RIT2: variants seen among roughly 807,000 people sequenced by gnomAD.
RIT2 encodes the protein Ras like without CAAX 2, also known as GTP-binding protein Rit2.
RIT2 carries 24 observed loss-of-function variants against 23.7 expected under a neutral mutation model. The observed-to-expected ratio is 1.01, with a 90% CI of 0.73 to 1.43. RIT2 has a LOEUF of 1.43. RIT2 is among the 40% of genes most tolerant of loss of function. The pLI, the probability that RIT2 is intolerant of heterozygous loss-of-function variation, is 0.00. For synonymous variants in RIT2, 107 were observed against 91.1 expected (o/e 1.17, Z -0.99); for missense variants, 236 against 266.9 (o/e 0.88, Z 0.81).
At chr18:42,743,813 T>C (rs1282461469) in intron 4 of RIT2, 93 bp from the exon 5 acceptor site, 1 of 960,864 alleles carries the variant, frequency 1.0e-6, no homozygotes, top group Non-Finnish European at 1.5e-6. Context: ...GTCAGGCCTC[T>C]GAGCCCAAGC....
intron 4 of RIT2, among the ~76,000 whole-genome samples, chr18:42,857,136 T>G (rs1160732448): frequency 1.0e-5 from 1 of 97,296 alleles, no homozygotes; most frequent in Non-Finnish European, 1.8e-5. Context: ...TTTTTAATTA[T>G]CCAACTAGGG....
intron 4 of RIT2, among the ~76,000 whole-genome samples, chr18:42,891,822 G>A (rs1908185514): frequency 6.6e-6 from 1 of 152,080 alleles, no homozygotes; most frequent in South Asian, 2.1e-4. Context: ...ATAGACACAT[G>A]TTATTATCTT....
At chr18:42,846,272 A>G (rs1216017324) in intron 4 of RIT2, among the ~76,000 whole-genome samples, 2 of 151,984 alleles carry the variant, frequency 1.3e-5, no homozygotes, top group African/African-American at 4.8e-5. Context: ...CATTAAATAA[A>G]TAAATTCCCA....
At position 42,985,296 on chromosome 18, in the gene RIT2, T is replaced by C. The variant is rs1346496833; in HGVS notation, c.161-11149A>G. Among the ~76,000 whole-genome samples, 4 of 152,166 alleles carry C rather than the reference T, an allele frequency of 2.6e-5. No individual in the cohort carries two copies. In the South Asian group the frequency reaches 8.3e-4, roughly 32 times the overall value. ...AAGATCATCTAAATAAGTGGAGGTA[T>C]ATGCCATGTTTATGGGTTGGATGAT... On this transcript the variant is annotated intron_variant, in intron 2 of 4. Transcript: ENST00000326695.
intron 4 of RIT2, among the ~76,000 whole-genome samples, chr18:42,818,087 T>G (rs773122949): frequency 6.6e-6 from 1 of 152,044 alleles, no homozygotes; most frequent in African/African-American, 2.4e-5. Flanking sequence ...AGAGTAATCA[T>G]GTCTACTAAT....
At chr18:42,796,320 A>G (rs1296116966) in intron 4 of RIT2, among the ~76,000 whole-genome samples, 1 of 152,246 alleles carries the variant, frequency 6.6e-6, no homozygotes, top group South Asian at 2.1e-4. Flanking sequence ...CAGCGAGACC[A>G]CGAACCCACC....
Position 42,743,602 on chromosome 18 carries a change from C to A in RIT2, c.545G>T (p.Arg182Leu), listed in dbSNP as rs148544378. 1.2e-6 allele frequency: 2 copies of A among 1,613,956 alleles called. No homozygotes were observed. Among genetic ancestry groups the A allele is most frequent in the Non-Finnish European group, 1.7e-6 (2 of 1,179,968 alleles). Reference sequence around the variant, plus strand: ...CAAGGATGGCATGGACTCCTTCTTGCGAATTTCCCTCACTAAGCCATGAAA... The same window carrying A: ...CAAGGATGGCATGGACTCCTTCTTGAGAATTTCCCTCACTAAGCCATGAAA... ...DAFHGLVREI[R>L]KKESMPSLME... The change falls in exon 5 of 5, where the codon CGC becomes CTC. Residue 182 changes from arginine (R) to leucine (L), a missense_variant. Physicochemically the swap from Arg to Leu is moderately radical, Grantham distance 102. Coordinates refer to ENST00000326695, the MANE Select transcript of RIT2 (RefSeq NM_002930.4).
intron 1 of RIT2, among the ~76,000 whole-genome samples, chr18:43,062,290 A>T (rs1912666491): frequency 6.6e-6 from 1 of 152,274 alleles, no homozygotes; most frequent in East Asian, 1.9e-4. Context: ...TTGAGAGTAA[A>T]TGTCTATACT....
chr18:43,022,997 G>GT (rs1261747521), intron 2 of RIT2, among the ~76,000 whole-genome samples: 11 of 152,066 alleles, frequency 7.2e-5, no homozygotes, highest in Admixed American at 2.0e-4. Flanking sequence ...AGAACAAAGT[G>GT]TTGCAGTCTT....
intron 1 of RIT2, among the ~76,000 whole-genome samples, chr18:43,080,361 A>G (rs541601748): frequency 2.0e-5 from 3 of 152,316 alleles, no homozygotes; most frequent in South Asian, 4.1e-4. Flanking sequence ...AAGGAGTTGT[A>G]TCTGGGACTT....
chr18:43,074,846 T>C (rs9964555), intron 1 of RIT2, among the ~76,000 whole-genome samples: 13,566 of 152,222 alleles, frequency 0.089, 711 homozygotes, highest in Non-Finnish European at 0.11. Flanking sequence ...AGCTGAACGA[T>C]GAGAACACAT....
At chr18:42,799,332 C>T (rs1221922953) in intron 4 of RIT2, among the ~76,000 whole-genome samples, 3 of 152,130 alleles carry the variant, frequency 2.0e-5, no homozygotes, top group Non-Finnish European at 4.4e-5. Context: ...AACCCTTTAC[C>T]TAAAGTAGAA....
At chr18:43,066,322 A>C (rs558574129) in intron 1 of RIT2, among the ~76,000 whole-genome samples, 1 of 152,300 alleles carries the variant, frequency 6.6e-6, no homozygotes, top group African/African-American at 2.4e-5. Flanking sequence ...TTACAAAGAA[A>C]ATCCATAGAA....
chr18:42,759,636 C>A (rs1232994017), intron 4 of RIT2, among the ~76,000 whole-genome samples: 1 of 150,846 alleles, frequency 6.6e-6, no homozygotes, highest in Non-Finnish European at 1.5e-5. Flanking sequence ...GAGGCTGCTG[C>A]CATTTTTTCC....
chr18:42,849,333 T>C (rs970726190), intron 4 of RIT2, among the ~76,000 whole-genome samples: 23 of 152,242 alleles, frequency 1.5e-4, no homozygotes, highest in Admixed American at 1.2e-3. Context: ...GGAATACTTT[T>C]TGATTTAGTG....
chr18:42,880,805 T>TC (rs1907870537), intron 4 of RIT2, among the ~76,000 whole-genome samples: 1 of 52,322 alleles, frequency 1.9e-5, no homozygotes, highest in Admixed American at 1.8e-4. Context: ...TTCCTACCTC[T>TC]TTTTTTTTTT....
chr18:43,082,252 T>C (rs1913174913), intron 1 of RIT2, among the ~76,000 whole-genome samples: 1 of 151,984 alleles, frequency 6.6e-6, no homozygotes, highest in South Asian at 2.1e-4. Context: ...CCATTTATCA[T>C]TTTTTTATTG....
At chr18:43,055,281 C>A (rs1296127473) in intron 1 of RIT2, among the ~76,000 whole-genome samples, 2 of 152,120 alleles carry the variant, frequency 1.3e-5, no homozygotes. Flanking sequence ...TCTCTCAGCG[C>A]TCCCCATGGG....
chr18:43,082,688 C>CAA (rs36084920), intron 1 of RIT2, among the ~76,000 whole-genome samples: 27,876 of 148,880 alleles, frequency 0.19, 2,679 homozygotes, highest in Admixed American at 0.21. Flanking sequence ...CCTCTTCATG[C>CAA]AAAAAAAAAC....
Sources: gnomAD v4.1 joint callset for allele counts (sites outside exome capture counted in the v4.1 genomes callset) on GRCh38, gnomAD v4.1.1 for gene constraint, MANE v1.5 for transcripts, NCBI Gene and HGNC (gene_info 2026-07-23, HGNC 2026-07-21) for gene names.